Variants in MYO9A observed in about 807,000 individuals in gnomAD.
MYO9A encodes myosin IXA, also known as unconventional myosin-IXa.
In MYO9A, 103 loss-of-function variants were observed where a neutral mutation model predicts 293.3. The observed-to-expected ratio is 0.35, with a 90% CI of 0.30 to 0.41. MYO9A has a LOEUF of 0.41. Among genes scored for constraint, MYO9A ranks in the 10% least tolerant of loss-of-function variants. The probability of loss-of-function intolerance (pLI) is 1.00; values close to 1 mark genes in which losing one functional copy is unlikely to be tolerated. For synonymous variants in MYO9A, 1,001 were observed against 1,035.7 expected, an observed-to-expected ratio of 0.97 and a Z score of 0.64; for missense variants, 2,685 against 3,033.0, an observed-to-expected ratio of 0.89 and a Z score of 2.69.
intron 27 of MYO9A, 107 bp from the exon 28 acceptor site, chr15:71,883,843 T>A: frequency 1.0e-6 from 1 of 982,934 alleles, no homozygotes; most frequent in Non-Finnish European, 1.4e-6. Flanking sequence ...TTAGCTCATT[T>A]AAGCTTCACA....
intron 25 of MYO9A, 139 bp downstream of exon 25, chr15:71,897,322 A>C (rs1417783886): frequency 2.2e-6 from 2 of 915,462 alleles, no homozygotes; most frequent in East Asian, 4.8e-5. Flanking sequence ...TAGAGTCAAC[A>C]ATTAGGGAAT....
chr15:72,002,392 C>T (rs974231727), intron 8 of MYO9A, among the ~76,000 whole-genome samples: 7 of 151,874 alleles, frequency 4.6e-5, no homozygotes, highest in Non-Finnish European at 8.8e-5. Flanking sequence ...GGATTAGAGA[C>T]GGGGTTTCAT....
chr15:71,849,153 C>T (rs2055521878), intron 38 of MYO9A, among the ~76,000 whole-genome samples, 185 bp from the exon 39 acceptor site: 1 of 152,170 alleles, frequency 6.6e-6, no homozygotes, highest in Non-Finnish European at 1.5e-5. Flanking sequence ...TAGAAGCCAT[C>T]TAAAGAGCAG....
chr15:71,899,117 T>G, intron 24 of MYO9A, 85 bp from the exon 25 acceptor site: 1 of 1,261,344 alleles, frequency 7.9e-7, no homozygotes, highest in Non-Finnish European at 1.1e-6. Flanking sequence ...TAAGAAAAAA[T>G]GCAGAGTTGT....
intron 1 of MYO9A, among the ~76,000 whole-genome samples, chr15:72,060,388 GAAAATAA>G (rs912683849): frequency 2.0e-5 from 3 of 150,754 alleles, no homozygotes; most frequent in African/African-American, 7.3e-5. Context: ...AGTCTTATTA[GAAAATAA>G]AAAATAAAAA....
At chr15:72,114,063 G>A (rs575651017) in intron 1 of MYO9A, among the ~76,000 whole-genome samples, 1 of 152,234 alleles carries the variant, frequency 6.6e-6, no homozygotes, top group East Asian at 1.9e-4. Flanking sequence ...GCACTGGAGT[G>A]GGGTCTCCAG....
At chr15:71,872,783 T>G (rs1267886326) in intron 32 of MYO9A, among the ~76,000 whole-genome samples, 2 of 152,208 alleles carry the variant, frequency 1.3e-5, no homozygotes, top group African/African-American at 4.8e-5. Flanking sequence ...TGTCTGTGTG[T>G]GAGTACAGAT....
chr15:71,919,841 C>CAAAAAAA (rs373980359), intron 18 of MYO9A, among the ~76,000 whole-genome samples: 2 of 82,486 alleles, frequency 2.4e-5, no homozygotes, highest in Non-Finnish European at 4.4e-5. Context: ...GACTCCATCT[C>CAAAAAAA]AAAAAAAAAA....
At chr15:71,861,656 C>A (rs2056128534) in intron 33 of MYO9A, among the ~76,000 whole-genome samples, 1 of 136,146 alleles carries the variant, frequency 7.3e-6, no homozygotes. Context: ...TATGTGCCAT[C>A]ACCGTTTTAG....
chr15:71,867,283 G>A (rs2056361347), intron 32 of MYO9A, among the ~76,000 whole-genome samples: 1 of 152,066 alleles, frequency 6.6e-6, no homozygotes, highest in African/African-American at 2.4e-5. Flanking sequence ...TAAAAAATGT[G>A]ACCACTAAAT....
intron 19 of MYO9A, among the ~76,000 whole-genome samples, chr15:71,909,117 C>G (rs1053725153): frequency 6.6e-6 from 1 of 152,054 alleles, no homozygotes; most frequent in East Asian, 1.9e-4. Context: ...GAATAATATT[C>G]CATTGTCTGA....
At chr15:71,890,615 T>C (rs1415198505) in intron 26 of MYO9A, 1 of 152,200 alleles carries the variant, frequency 6.6e-6, no homozygotes, top group East Asian at 1.9e-4. Context: ...TAAACAGTTA[T>C]TCAAACGGCA....
At chr15:71,982,590 G>A (rs754586604) in intron 11 of MYO9A, among the ~76,000 whole-genome samples, 1 of 152,044 alleles carries the variant, frequency 6.6e-6, no homozygotes, top group Admixed American at 6.6e-5. Flanking sequence ...TAATTGATTA[G>A]GTTTCAGGCC....
intron 41 of MYO9A, 112 bp downstream of exon 41, chr15:71,827,772 T>G (rs1470698187): frequency 2.5e-6 from 3 of 1,210,318 alleles, no homozygotes; most frequent in Non-Finnish European, 3.4e-6. Flanking sequence ...AAGACTTTGT[T>G]ATTGCTGATG....
intron 1 of MYO9A, among the ~76,000 whole-genome samples, chr15:72,099,422 C>CAAAAAAAAAAAAAAAA (rs57019438): frequency 1.1e-5 from 1 of 90,188 alleles, no homozygotes. Context: ...GACCCTGCCC[C>CAAAAAAAAAAAAAAAA]AAAAAAAAAA....
intron 7 of MYO9A, among the ~76,000 whole-genome samples, chr15:72,009,342 A>G (rs1198799739): frequency 6.6e-6 from 1 of 152,222 alleles, no homozygotes; most frequent in Non-Finnish European, 1.5e-5. Flanking sequence ...AAAGAGTCAT[A>G]CCAATGATGT....
rs1424874629 is a variant in MYO9A at position 71,824,231 on chromosome 15, A to C, written c.*2349T>G. ...TTTAATTGAATTTTATCCAAACTGG[A>C]GTTTCAGGTCCCTGAGAAAAATTAT... On this transcript the variant is annotated 3_prime_UTR_variant, in exon 42 of 42. Coordinates refer to ENST00000356056, the MANE Select transcript of MYO9A (RefSeq NM_006901.4). 1 of 152,152 alleles carries C rather than the reference A, an allele frequency of 6.6e-6. No homozygotes were observed. The highest frequency in any genetic ancestry group is 1.5e-5 in the Non-Finnish European group (1 of 68,024). 9.4% of individuals were successfully genotyped at this position (152,152 alleles called of 1,614,324 possible). A position where few individuals can be genotyped will look rare whatever the true frequency, so the allele number is the denominator to read the frequency against.
chr15:71,945,399 A>T (rs943173156), intron 15 of MYO9A, among the ~76,000 whole-genome samples: 1 of 152,162 alleles, frequency 6.6e-6, no homozygotes, highest in Non-Finnish European at 1.5e-5. Context: ...TTTTACAGAA[A>T]TCGTAAAAGT....
intron 18 of MYO9A, among the ~76,000 whole-genome samples, chr15:71,920,295 T>C (rs1018727387): frequency 1.3e-5 from 2 of 152,220 alleles, no homozygotes; most frequent in Non-Finnish European, 1.5e-5. Context: ...ATTGCTTGAA[T>C]ATAGTCTAAC....
Sources: allele counts gnomAD v4.1 joint callset (sites outside exome capture counted in the v4.1 genomes callset), GRCh38; gene constraint gnomAD v4.1.1; transcripts MANE v1.5; gene names NCBI Gene and HGNC (gene_info 2026-07-23, HGNC 2026-07-21).